Variants in FOXP1 observed in about 807,000 individuals in gnomAD.
FOXP1 encodes the protein forkhead box P1.
In FOXP1, 15 loss-of-function variants were observed where a neutral mutation model predicts 98.2. The ratio of observed to expected loss-of-function variants is 0.15; its 90% confidence interval spans 0.10 to 0.24. FOXP1 has a LOEUF of 0.24. FOXP1 is among the 10% of genes least tolerant of loss of function. The probability of loss-of-function intolerance (pLI) is 1.00; values close to 1 mark genes in which losing one functional copy is unlikely to be tolerated. For missense variants in FOXP1, 633 were observed against 848.5 expected (o/e 0.75, Z 3.15); for synonymous variants, 371 against 314.5 (o/e 1.18, Z -1.90).
chr3:71,200,083 C>CAAAAAAAAAAAAAAAA (rs61281811), intron 5 of FOXP1, among the ~76,000 whole-genome samples: 1 of 76,110 alleles, frequency 1.3e-5, no homozygotes, highest in Non-Finnish European at 2.3e-5. Flanking sequence ...CTCCATCTCA[C>CAAAAAAAAAAAAAAAA]AAAAAAAAAA....
chr3:71,053,507 C>T (rs981424340), intron 8 of FOXP1, 129 bp downstream of exon 8: 2 of 1,107,936 alleles, frequency 1.8e-6, no homozygotes, highest in Non-Finnish European at 2.7e-6. Context: ...CTGTGTCCTG[C>T]CCCACCCACG....
chr3:71,581,037 G>A, intron 2 of FOXP1: 6 of 980,556 alleles, frequency 6.1e-6, no homozygotes, highest in Non-Finnish European at 7.3e-6. Flanking sequence ...TCATTATTCT[G>A]CCCAAGCCTC....
rs2032559507 is a variant in FOXP1, at chr3:70,959,109, T to C, written c.*138A>G. The C allele has an allele frequency of 2.0e-6, 2 of 975,742 alleles. No homozygotes were observed. The highest frequency in any genetic ancestry group is 2.0e-5 in the Admixed American group (1 of 49,138). 60.4% of individuals were successfully genotyped at this position (975,742 alleles called of 1,614,324 possible). ...CTTGATGGCACTAAGAGTTAACACA[T>C]TTCAGAGTTGTCAAAACGTAGTGAA... On this transcript the variant is annotated 3_prime_UTR_variant, in exon 21 of 21. Coordinates refer to ENST00000649528, the MANE Select transcript of FOXP1 (RefSeq NM_001349338.3).
chr3:71,240,635 G>A (rs1349454573), intron 5 of FOXP1, among the ~76,000 whole-genome samples: 1 of 151,854 alleles, frequency 6.6e-6, no homozygotes, highest in African/African-American at 2.4e-5. Context: ...CTCCGCCTCC[G>A]GGGTTCACGC....
At chr3:71,112,933 A>C (rs1390835938) in intron 6 of FOXP1, among the ~76,000 whole-genome samples, 1 of 152,162 alleles carries the variant, frequency 6.6e-6, no homozygotes, top group Non-Finnish European at 1.5e-5. Flanking sequence ...TGAGACTCTG[A>C]ACAAAGATGA....
In FOXP1 at chr3:71,160,334, T is replaced by G. The variant is rs201550594; in HGVS notation, c.180+37868A>C. On this transcript the variant is annotated intron_variant, in intron 6 of 20. Transcript: ENST00000649528. Reference sequence around the variant, plus strand: ...AACTGGTCTCAGCATTGGCTCTAGGTGGAGGTGAGGATTCTAAATGCAAGA... The same window carrying G: ...AACTGGTCTCAGCATTGGCTCTAGGGGGAGGTGAGGATTCTAAATGCAAGA... Among the ~76,000 whole-genome samples, 34 of 152,194 alleles carry G rather than the reference T, an allele frequency of 2.2e-4. No homozygotes were observed. The East Asian group carries it at 5.4e-3, about 24-fold the overall frequency.
At chr3:71,329,036 T>C (rs994726103) in intron 4 of FOXP1, among the ~76,000 whole-genome samples, 5 of 145,424 alleles carry the variant, frequency 3.4e-5, no homozygotes, top group Admixed American at 7.0e-5. Flanking sequence ...ATTGGCTCAG[T>C]TGGTCCTCAA....
chr3:71,168,461 T>C (rs1186894246), intron 6 of FOXP1, among the ~76,000 whole-genome samples: 2 of 152,194 alleles, frequency 1.3e-5, no homozygotes, highest in Admixed American at 1.3e-4. Flanking sequence ...GTAATAAGTA[T>C]GAGAAATATA....
chr3:71,536,803 T>C (rs558100186), intron 2 of FOXP1, among the ~76,000 whole-genome samples: 11 of 152,264 alleles, frequency 7.2e-5, no homozygotes, highest in Middle Eastern at 6.8e-3. Context: ...TCCAACATGA[T>C]GATCGTTTGG....
At chr3:71,207,365 C>T (rs1276567757) in intron 5 of FOXP1, among the ~76,000 whole-genome samples, 3 of 152,008 alleles carry the variant, frequency 2.0e-5, no homozygotes, top group Non-Finnish European at 2.9e-5. Context: ...CGCTTTGGCT[C>T]AAGCCCCTCA....
chr3:71,042,893 G>A (rs946515238), intron 10 of FOXP1, among the ~76,000 whole-genome samples: 4 of 152,188 alleles, frequency 2.6e-5, no homozygotes, highest in African/African-American at 9.7e-5. Context: ...AACTGTTAAA[G>A]ATTTTAATTA....
chr3:71,506,476 CA>C (rs1384526543), intron 2 of FOXP1, among the ~76,000 whole-genome samples: 1 of 152,180 alleles, frequency 6.6e-6, no homozygotes, highest in Non-Finnish European at 1.5e-5. Flanking sequence ...CTGTGTTTGC[CA>C]AATCCCCAGG....
At chr3:71,317,635 G>A (rs1038432760) in intron 4 of FOXP1, among the ~76,000 whole-genome samples, 37 of 152,024 alleles carry the variant, frequency 2.4e-4, no homozygotes, top group African/African-American at 8.9e-4. Context: ...ACAGATGCTA[G>A]GCCCCAAAAT....
At chr3:71,404,307 A>C (rs1577332405) in intron 3 of FOXP1, among the ~76,000 whole-genome samples, 1 of 151,314 alleles carries the variant, frequency 6.6e-6, no homozygotes, top group East Asian at 1.9e-4. Context: ...TTGTATTTTT[A>C]GTAGAGACAG....
rs140859455 is a variant in FOXP1, at chr3:71,329,382, G to A, written c.-72-29502C>T. ...GACTACAGGCACCCGCCACCAGGCT[G>A]GCTAATTTTTTTGTATTTTTAGTAG... On this transcript the variant is annotated intron_variant, in intron 4 of 20. Transcript: ENST00000649528. Among the ~76,000 whole-genome samples, 355 of 152,008 alleles carry A rather than the reference G, an allele frequency of 2.3e-3. 2 individuals carry two copies. The highest frequency in any genetic ancestry group is 7.9e-3 in the African/African-American group (329 of 41,458).
intron 3 of FOXP1, among the ~76,000 whole-genome samples, chr3:71,397,764 T>G (rs888276833): frequency 6.6e-6 from 1 of 152,194 alleles, no homozygotes; most frequent in Non-Finnish European, 1.5e-5. Flanking sequence ...GTCTTCAACT[T>G]ATACCATTTA....
At chr3:71,183,212 G>T (rs990391727) in intron 6 of FOXP1, among the ~76,000 whole-genome samples, 2 of 152,066 alleles carry the variant, frequency 1.3e-5, no homozygotes, top group Non-Finnish European at 2.9e-5. Context: ...ACCAAAAGTT[G>T]GCCATGCATG....
chr3:71,047,018 G>C lies in FOXP1; in HGVS notation c.588C>G (p.Leu196=), dbSNP rs1015772449. The change falls in exon 10 of 21, where the codon CTC becomes CTG. Residue 196 remains leucine (L), a synonymous_variant. Transcript: ENST00000649528. ...GAAGGCCTTGGCGCTGCAAAGACAG[G>C]AGGTGCTGCTGCTGTAACTGCTGCA... ...LQMQQLQQQH[L]LSLQRQGLLT... 1.1e-5 allele frequency: 17 copies of C among 1,614,128 alleles called. No homozygotes were observed. The highest frequency in any genetic ancestry group is 1.4e-5 in the Non-Finnish European group (17 of 1,179,960).
chr3:71,238,557 C>A (rs1421825005), intron 5 of FOXP1, among the ~76,000 whole-genome samples: 1 of 152,130 alleles, frequency 6.6e-6, no homozygotes. Flanking sequence ...GCTGTCTGAC[C>A]TGGGACAATG....
Sources: allele counts gnomAD v4.1 joint callset (sites outside exome capture counted in the v4.1 genomes callset), GRCh38; gene constraint gnomAD v4.1.1; transcripts MANE v1.5; gene names NCBI Gene and HGNC (gene_info 2026-07-23, HGNC 2026-07-21).